Variants in PPP1R12B observed in about 807,000 individuals in gnomAD.
PPP1R12B encodes the protein myosin phosphatase target subunit 2.
PPP1R12B carries 76 observed loss-of-function variants against 126.1 expected under a neutral mutation model. The observed-to-expected ratio is 0.60, with a 90% CI of 0.50 to 0.73. PPP1R12B has a LOEUF of 0.73. Ranked by LOEUF, PPP1R12B falls within the 30% of genes least tolerant of loss-of-function variation. The pLI, the probability that PPP1R12B is intolerant of heterozygous loss-of-function variation, is 0.00. For synonymous variants in PPP1R12B, 356 were observed against 434.7 expected, an observed-to-expected ratio of 0.82 and a Z score of 2.25; for missense variants, 1,052 against 1,205.1, an observed-to-expected ratio of 0.87 and a Z score of 1.88.
chr1:202,370,562 G>A (rs769176822), intron 1 of PPP1R12B, among the ~76,000 whole-genome samples: 29 of 151,576 alleles, frequency 1.9e-4, no homozygotes, highest in Non-Finnish European at 3.1e-4. Flanking sequence ...TTTTGAGATG[G>A]AGTCTTACTC....
At chr1:202,364,842 C>T (rs141746880) in intron 1 of PPP1R12B, among the ~76,000 whole-genome samples, 4,645 of 152,214 alleles carry the variant, frequency 0.031, 108 homozygotes, top group Middle Eastern at 0.092. Flanking sequence ...TCCCAAAGTG[C>T]TGGGATTACA....
intron 13 of PPP1R12B, among the ~76,000 whole-genome samples, chr1:202,452,411 G>C (rs190155471): frequency 4.6e-5 from 7 of 152,366 alleles, no homozygotes; most frequent in Non-Finnish European, 1.0e-4. Flanking sequence ...CCAGTCAGGC[G>C]TGGCGGCGTG....
intron 20 of PPP1R12B, among the ~76,000 whole-genome samples, chr1:202,564,207 T>C (rs1315222021): frequency 6.6e-6 from 1 of 152,204 alleles, no homozygotes; most frequent in Non-Finnish European, 1.5e-5. Flanking sequence ...TAATGACTGT[T>C]TTTCCCCCAG....
chr1:202,540,240 G>A (rs868543920), intron 18 of PPP1R12B: 45 of 1,585,594 alleles, frequency 2.8e-5, no homozygotes, highest in East Asian at 1.6e-4. Flanking sequence ...AAGACGCTCC[G>A]AGTAAGCAGC....
At chr1:202,389,500 C>T (rs1252300179) in intron 1 of PPP1R12B, among the ~76,000 whole-genome samples, 6 of 151,556 alleles carry the variant, frequency 4.0e-5, no homozygotes, top group East Asian at 1.9e-4. Context: ...AAAAATTAGC[C>T]GGGTGTGGTG....
intron 14 of PPP1R12B, among the ~76,000 whole-genome samples, chr1:202,491,208 T>TCTGCCTCAGGGTTCAAGCAATTCTC (rs1441963032): frequency 6.6e-6 from 1 of 152,072 alleles, no homozygotes; most frequent in Non-Finnish European, 1.5e-5. Context: ...CACTGCAACT[T>TCTGCCTCAGGGTTCAAGCAATTCTC]CTGCCTCAGG....
chr1:202,427,796 C>T (rs145811522), intron 5 of PPP1R12B, among the ~76,000 whole-genome samples: 2,110 of 152,016 alleles, frequency 0.014, 65 homozygotes, highest in African/African-American at 0.049. Context: ...AGGCACACGC[C>T]GCCACGCCTG....
intron 13 of PPP1R12B, among the ~76,000 whole-genome samples, chr1:202,483,760 C>T (rs1364781529): frequency 6.6e-6 from 1 of 152,164 alleles, no homozygotes; most frequent in Non-Finnish European, 1.5e-5. Context: ...CTCCCTTTAC[C>T]TCTAATAATA....
chr1:202,372,510 AAAAT>A (rs573834133), intron 1 of PPP1R12B, among the ~76,000 whole-genome samples: 30 of 151,800 alleles, frequency 2.0e-4, no homozygotes, highest in African/African-American at 6.0e-4. Context: ...TCAAAAAAAA[AAAAT>A]AAATAAAGCA....
rs2148354350 is a variant in PPP1R12B, at chr1:202,349,617, C to G, written c.291+475C>G. 1.3e-5 allele frequency among the ~76,000 whole-genome samples: 2 copies of G among 152,260 alleles called. 1 individual carries two copies. Among genetic ancestry groups the G allele is most frequent in the South Asian group, 4.1e-4 (2 of 4,830 alleles). ...TGGGTAAAGACAAGCAGGTCTGAAA[C>G]CACACCTCTTGTTTTGTTGATTTGT... On this transcript the variant is annotated intron_variant, in intron 1 of 23. Coordinates refer to ENST00000608999, the MANE Select transcript of PPP1R12B (RefSeq NM_002481.4).
At chr1:202,353,122 T>TC (rs1656341014) in intron 1 of PPP1R12B, among the ~76,000 whole-genome samples, 1 of 152,212 alleles carries the variant, frequency 6.6e-6, no homozygotes, top group East Asian at 1.9e-4. Context: ...GCAATTTATA[T>TC]TCAGACAGAG....
chr1:202,417,389 G>A (rs1397081706), intron 2 of PPP1R12B: 2 of 985,248 alleles, frequency 2.0e-6, no homozygotes, highest in Non-Finnish European at 2.4e-6. Context: ...CTAAACATGT[G>A]GAACAAAGGA....
At chr1:202,446,249 TATATA>T (rs1262501089) in intron 12 of PPP1R12B, among the ~76,000 whole-genome samples, 1 of 65,802 alleles carries the variant, frequency 1.5e-5, no homozygotes, top group African/African-American at 7.7e-5. Flanking sequence ...TATATATATA[TATATA>T]TATTTTTTTT....
intron 1 of PPP1R12B, among the ~76,000 whole-genome samples, chr1:202,414,029 C>T (rs1178313118): frequency 2.0e-5 from 3 of 152,142 alleles, no homozygotes; most frequent in African/African-American, 7.2e-5. Flanking sequence ...TCAAGCGATT[C>T]TTGTTCCTCA....
intron 1 of PPP1R12B, among the ~76,000 whole-genome samples, chr1:202,385,947 T>G (rs537357749): frequency 1.3e-5 from 2 of 152,194 alleles, no homozygotes; most frequent in Admixed American, 6.5e-5. Flanking sequence ...TTCTTTTTTT[T>G]TTTTGAGACG....
At chr1:202,420,296 A>AGAGG (rs1201346146) in intron 2 of PPP1R12B, among the ~76,000 whole-genome samples, 1 of 152,230 alleles carries the variant, frequency 6.6e-6, no homozygotes, top group African/African-American at 2.4e-5. Context: ...GGGGAGGAGA[A>AGAGG]GAGGGAGTAT....
At chr1:202,473,840 G>A (rs1676265008) in intron 13 of PPP1R12B, 1 of 495,020 alleles carries the variant, frequency 2.0e-6, no homozygotes, top group South Asian at 1.5e-5. Context: ...CAGTTTCCAA[G>A]GGAGACCGGG....
chr1:202,458,779 T>C (rs972387054), intron 13 of PPP1R12B, among the ~76,000 whole-genome samples: 1 of 152,200 alleles, frequency 6.6e-6, no homozygotes, highest in Non-Finnish European at 1.5e-5. Context: ...ATCAGCTCAT[T>C]GTGGAAGCAT....
chr1:202,538,231 G>A (rs1000842673), intron 18 of PPP1R12B, among the ~76,000 whole-genome samples: 2 of 152,208 alleles, frequency 1.3e-5, no homozygotes, highest in Admixed American at 6.5e-5. Flanking sequence ...TTGACCTCAT[G>A]TGATCCACCC....
Sources: allele counts gnomAD v4.1 joint callset (sites outside exome capture counted in the v4.1 genomes callset), GRCh38; gene constraint gnomAD v4.1.1; transcripts MANE v1.5; gene names NCBI Gene and HGNC (gene_info 2026-07-23, HGNC 2026-07-21).